GNAQ: variants seen among roughly 807,000 people sequenced by gnomAD.
The protein encoded by GNAQ is G protein subunit alpha q, also known as guanine nucleotide-binding protein G(q) subunit alpha.
Under a neutral mutation model 43.9 loss-of-function variants are expected in GNAQ, and 8 were observed. The ratio of observed to expected loss-of-function variants is 0.18; its 90% CI spans 0.11 to 0.33. The LOEUF is 0.33. GNAQ is among the 10% of genes least tolerant of loss of function. The pLI, the probability that GNAQ is intolerant of heterozygous loss-of-function variation, is 1.00. For synonymous variants in GNAQ, 155 were observed against 170.7 expected (o/e 0.91, Z 0.71); for missense variants, 158 against 450.8 (o/e 0.35, Z 5.88).
chr9:77,865,079 T>A (rs929920003), intron 2 of GNAQ, among the ~76,000 whole-genome samples: 1 of 151,920 alleles, frequency 6.6e-6, no homozygotes, highest in Non-Finnish European at 1.5e-5. Flanking sequence ...GCAAACGGAG[T>A]CAAATTTATT....
intron 6 of GNAQ, among the ~76,000 whole-genome samples, chr9:77,727,172 C>T (rs1825410385): frequency 6.6e-6 from 1 of 150,916 alleles, no homozygotes; most frequent in Non-Finnish European, 1.5e-5. Context: ...GCAGTCTTGA[C>T]CTCTTGCCAA....
At chr9:77,842,684 T>C (rs1398866272) in intron 2 of GNAQ, among the ~76,000 whole-genome samples, 2 of 152,116 alleles carry the variant, frequency 1.3e-5, no homozygotes, top group African/African-American at 4.8e-5. Context: ...ATGCTAGGAT[T>C]CTCTCAGTCT....
At chr9:77,949,990 C>T (rs773931295) in intron 1 of GNAQ, among the ~76,000 whole-genome samples, 1 of 152,100 alleles carries the variant, frequency 6.6e-6, no homozygotes, top group Non-Finnish European at 1.5e-5. Flanking sequence ...CTCACATAAT[C>T]CCCCCTCCTC....
chr9:77,931,516 C>A (rs4409466), intron 1 of GNAQ, among the ~76,000 whole-genome samples: 1 of 151,254 alleles, frequency 6.6e-6, no homozygotes, highest in Non-Finnish European at 1.5e-5. Context: ...GCGTGAGCCC[C>A]GGAGACGTAG....
At chr9:77,902,217 T>C (rs1209605902) in intron 2 of GNAQ, among the ~76,000 whole-genome samples, 1 of 152,256 alleles carries the variant, frequency 6.6e-6, no homozygotes, top group Non-Finnish European at 1.5e-5. Flanking sequence ...TTAAACAAGT[T>C]ATAAATTTGT....
intron 1 of GNAQ, among the ~76,000 whole-genome samples, chr9:77,973,442 C>T (rs1447276815): frequency 6.6e-6 from 1 of 152,178 alleles, no homozygotes; most frequent in Non-Finnish European, 1.5e-5. Context: ...AAAATGCTGT[C>T]AGCAGAAGGA....
chr9:77,931,968 A>C (rs1049325261), intron 1 of GNAQ, among the ~76,000 whole-genome samples: 3 of 152,256 alleles, frequency 2.0e-5, no homozygotes, highest in African/African-American at 7.2e-5. Flanking sequence ...GTGGGGGGAC[A>C]ACAAAACCTC....
intron 1 of GNAQ, among the ~76,000 whole-genome samples, chr9:77,942,575 A>G (rs754825046): frequency 6.6e-6 from 1 of 152,216 alleles, no homozygotes; most frequent in Non-Finnish European, 1.5e-5. Flanking sequence ...ACAAAAAATA[A>G]TAAGGCATTC....
chr9:77,976,007 T>C (rs1823297412), intron 1 of GNAQ, among the ~76,000 whole-genome samples: 1 of 152,182 alleles, frequency 6.6e-6, no homozygotes, highest in African/African-American at 2.4e-5. Flanking sequence ...GTTTTAAAGA[T>C]ACTACAAGTG....
In GNAQ at chr9:77,717,208, A is replaced by G. The variant is rs75142592; in HGVS notation, c.*4115T>C. ...TTTTTTTGTGTTTCTAACCAAAGAT[A>G]TATCTTTGGAAGAAAATATTAATGT... On this transcript the variant is annotated 3_prime_UTR_variant, in exon 7 of 7. Coordinates refer to ENST00000286548, the MANE Select transcript of GNAQ (RefSeq NM_002072.5). 1,267 of 232,332 alleles carry G rather than the reference A, an allele frequency of 5.5e-3. 12 individuals carry two copies. The highest frequency in any genetic ancestry group is 0.026 in the African/African-American group (1,201 of 45,420). 14.4% of individuals were successfully genotyped at this position (232,332 alleles called of 1,614,324 possible). A position where few individuals can be genotyped will look rare whatever the true frequency, so the allele number is the denominator to read the frequency against.
intron 1 of GNAQ, among the ~76,000 whole-genome samples, chr9:78,023,297 C>A (rs1823933733): frequency 6.6e-6 from 1 of 152,188 alleles, no homozygotes; most frequent in Admixed American, 6.5e-5. Flanking sequence ...TATTAAAGCA[C>A]CCAACTTCCC....
chr9:78,024,510 T>C (rs1823952798), intron 1 of GNAQ, among the ~76,000 whole-genome samples: 1 of 152,118 alleles, frequency 6.6e-6, no homozygotes. Flanking sequence ...CCAATCCACT[T>C]AGAAACACAA....
chr9:77,993,587 A>C (rs1823534705), intron 1 of GNAQ, among the ~76,000 whole-genome samples: 1 of 152,100 alleles, frequency 6.6e-6, no homozygotes. Flanking sequence ...CTGTAATCCC[A>C]GCTACTCCGG....
chr9:77,966,012 A>C (rs1158735541), intron 1 of GNAQ, among the ~76,000 whole-genome samples: 1 of 152,152 alleles, frequency 6.6e-6, no homozygotes, highest in African/African-American at 2.4e-5. Context: ...AAAAGGAGCG[A>C]ACTATTGACA....
chr9:77,941,579 C>T (rs771389729), intron 1 of GNAQ, among the ~76,000 whole-genome samples: 2 of 152,096 alleles, frequency 1.3e-5, no homozygotes, highest in Admixed American at 6.6e-5. Context: ...ATATTGTATA[C>T]GTTTCTGCTC....
chr9:77,965,155 T>C (rs1212053490), intron 1 of GNAQ, among the ~76,000 whole-genome samples: 2 of 152,170 alleles, frequency 1.3e-5, no homozygotes, highest in South Asian at 2.1e-4. Context: ...CCTGTTACCC[T>C]GAGTAATTTC....
intron 3 of GNAQ, among the ~76,000 whole-genome samples, chr9:77,812,234 A>T (rs1004032764): frequency 6.6e-6 from 1 of 152,238 alleles, no homozygotes; most frequent in African/African-American, 2.4e-5. Flanking sequence ...CTATCAGAGG[A>T]AGAGCTGATG....
At chr9:77,991,333 T>C (rs1823504461) in intron 1 of GNAQ, among the ~76,000 whole-genome samples, 1 of 152,158 alleles carries the variant, frequency 6.6e-6, no homozygotes, top group Non-Finnish European at 1.5e-5. Flanking sequence ...GCATACAGAA[T>C]GTATTTAAGA....
At chr9:78,004,318 T>C (rs541112971) in intron 1 of GNAQ, among the ~76,000 whole-genome samples, 3 of 151,624 alleles carry the variant, frequency 2.0e-5, no homozygotes, top group Non-Finnish European at 4.4e-5. Flanking sequence ...ATGCTCCAGC[T>C]ACCTTACTCT....
Sources: gnomAD v4.1 joint callset for allele counts (sites outside exome capture counted in the v4.1 genomes callset) on GRCh38, gnomAD v4.1.1 for gene constraint, MANE v1.5 for transcripts, NCBI Gene and HGNC (gene_info 2026-07-23, HGNC 2026-07-21) for gene names.